Variants in MRGPRX2 observed in about 807,000 individuals in gnomAD.
The protein encoded by MRGPRX2 is mas-related G protein-coupled receptor member X2.
For missense variants in MRGPRX2, 389 were observed against 404.5 expected (o/e 0.96, Z 0.33); for synonymous variants, 183 against 175.6 (o/e 1.04, Z -0.33).
In MRGPRX2 at chr11:19,055,290, A is replaced by G; in HGVS notation, c.*120T>C. On this transcript the variant is annotated 3_prime_UTR_variant, in exon 2 of 2. Coordinates refer to ENST00000329773, the MANE Select transcript of MRGPRX2 (RefSeq NM_054030.4). Reference sequence around the variant, plus strand: ...ATAGGCACTGTCTCACTTAATCCTCACAAGGACTCTCTTAACTGTTTTAAA... The same window carrying G: ...ATAGGCACTGTCTCACTTAATCCTCGCAAGGACTCTCTTAACTGTTTTAAA... 1 of 1,057,820 alleles carries G rather than the reference A, an allele frequency of 9.5e-7. No individual in the cohort carries two copies. Among genetic ancestry groups the G allele is most frequent in the Middle Eastern group, 2.2e-4 (1 of 4,576 alleles). The allele number at this position is 1,057,820 out of a possible 1,614,324, so 65.5% of individuals were successfully genotyped here. A position where few individuals can be genotyped will look rare whatever the true frequency, so the allele number is the denominator to read the frequency against.
At chr11:19,059,412 G>A (rs1244671735) in intron 1 of MRGPRX2, among the ~76,000 whole-genome samples, 3 of 152,118 alleles carry the variant, frequency 2.0e-5, no homozygotes, top group Non-Finnish European at 4.4e-5. Flanking sequence ...CATTCTTTTT[G>A]ATTATCACTA....
intron 1 of MRGPRX2, among the ~76,000 whole-genome samples, chr11:19,059,393 T>C (rs1432734990): frequency 6.6e-6 from 1 of 152,198 alleles, no homozygotes; most frequent in African/African-American, 2.4e-5. Flanking sequence ...TCAGCCCAAG[T>C]CTAGTAAACA....
At chr11:19,057,918 A>C (rs996883650) in intron 1 of MRGPRX2, among the ~76,000 whole-genome samples, 3 of 152,228 alleles carry the variant, frequency 2.0e-5, no homozygotes, top group African/African-American at 7.2e-5. Context: ...TCTGTGTCAG[A>C]GGGCTTGTTC....
intron 1 of MRGPRX2, among the ~76,000 whole-genome samples, chr11:19,059,143 G>A (rs1178755528): frequency 6.6e-6 from 1 of 152,142 alleles, no homozygotes; most frequent in Admixed American, 6.6e-5. Context: ...ATCAGAAAAA[G>A]GCCCATTTCT....
rs201832548 is a variant in MRGPRX2 at position 19,056,061 on chromosome 11, A to G, written c.342T>C (p.Leu114=). 6 of 1,614,104 alleles carry G rather than the reference A, an allele frequency of 3.7e-6. No homozygotes were observed. Among genetic ancestry groups the G allele is most frequent in the Middle Eastern group, 3.3e-4 (2 of 6,084 alleles). The change falls in exon 2 of 2, where the codon CTT becomes CTC. Residue 114 remains leucine (L), a synonymous_variant. Coordinates refer to ENST00000329773, the MANE Select transcript of MRGPRX2 (RefSeq NM_054030.4). ...CGGTGCTCAGCATGCTCAGGCCTGC[A>G]AGGTAGGCACAGGTCATCACAGTGG... ...FFTTVMTCAY[L]AGLSMLSTVS...
chr11:19,058,301 C>T (rs1411158232), intron 1 of MRGPRX2, among the ~76,000 whole-genome samples: 1 of 152,192 alleles, frequency 6.6e-6, no homozygotes, highest in Non-Finnish European at 1.5e-5. Flanking sequence ...CCATCACATG[C>T]TGTCTTAGTT....
At chr11:19,057,033 G>A (rs1849626647) in intron 1 of MRGPRX2, among the ~76,000 whole-genome samples, 1 of 152,148 alleles carries the variant, frequency 6.6e-6, no homozygotes, top group Admixed American at 6.5e-5. Flanking sequence ...CCATTTCTGT[G>A]TCCTCAGTGC....
chr11:19,060,126 A>C (rs1431190797), intron 1 of MRGPRX2, among the ~76,000 whole-genome samples: 2 of 152,088 alleles, frequency 1.3e-5, no homozygotes, highest in Non-Finnish European at 2.9e-5. Context: ...CTCCACTATC[A>C]CTTGCCTTTG....
Position 19,055,448 on chromosome 11 carries a change from G to C in MRGPRX2, c.955C>G (p.Gln319Glu), listed in dbSNP as rs1564999034. ...EVDHSEGCFR[Q>E]GTPEMSRSSL... ...CTTCTCGACATCTCCGGGGTGCCCT[G>C]ACGGAAGCATCCTTCACTGTGATCC... Residue 319 changes from glutamine to glutamate, a missense_variant, in exon 2 of 2, where the codon CAG (glutamine) becomes GAG (glutamate). Coordinates refer to ENST00000329773, the MANE Select transcript of MRGPRX2 (RefSeq NM_054030.4). The C allele has an allele frequency of 1.2e-6, 2 of 1,610,810 alleles. No individual in the cohort carries two copies. The highest frequency in any genetic ancestry group is 1.7e-6 in the Non-Finnish European group (2 of 1,177,138).
rs1849597497 is a variant in MRGPRX2, at chr11:19,054,850, G to A, written c.*560C>T. 1 of 152,194 alleles carries A rather than the reference G, an allele frequency of 6.6e-6. No homozygotes were observed. The highest frequency in any genetic ancestry group is 1.9e-4 in the East Asian group (1 of 5,200). The allele number at this position is 152,194 out of a possible 1,614,324, so 9.4% of individuals were successfully genotyped here. ...CAATAAATTTAGTGACTCAAATCTG[G>A]TAAATGGAGACTTTTCAGAGGTTTA... On this transcript the variant is annotated 3_prime_UTR_variant, in exon 2 of 2. Coordinates refer to ENST00000329773, the MANE Select transcript of MRGPRX2 (RefSeq NM_054030.4).
At position 19,060,451 on chromosome 11, in the gene MRGPRX2, C is replaced by A. The variant is rs570812571; in HGVS notation, c.-26+168G>T. ...ATTGGTAGATAGAAGAGAAGTGGGA[C>A]GAACCTGCTTGACCCCATTCGGATC... On this transcript the variant is annotated intron_variant, in intron 1 of 1. Coordinates refer to ENST00000329773, the MANE Select transcript of MRGPRX2 (RefSeq NM_054030.4). 4.6e-5 allele frequency among the ~76,000 whole-genome samples: 7 copies of A among 152,134 alleles called. 1 individual carries two copies. The highest frequency in any genetic ancestry group is 7.2e-5 in the African/African-American group (3 of 41,424).
At chr11:19,058,511 C>T (rs1849638821) in intron 1 of MRGPRX2, among the ~76,000 whole-genome samples, 1 of 151,742 alleles carries the variant, frequency 6.6e-6, no homozygotes, top group South Asian at 2.1e-4. Context: ...AGCTCCGCCT[C>T]CTGGGCTCAC....
In MRGPRX2 at chr11:19,055,185, G is replaced by T; in HGVS notation, c.*225C>A. On this transcript the variant is annotated 3_prime_UTR_variant, in exon 2 of 2. Transcript: ENST00000329773. ...AGTGGGAACAGTCATGGACCGCAGA[G>T]TTGGCAAAGCTCTCATAGGGCTGTG... 1 of 512,104 alleles carries T rather than the reference G, an allele frequency of 2.0e-6. No homozygotes were observed. Among genetic ancestry groups the T allele is most frequent in the Non-Finnish European group, 3.5e-6 (1 of 289,788 alleles). 31.7% of individuals were successfully genotyped at this position (512,104 alleles called of 1,614,324 possible).
rs75171150 is a variant in MRGPRX2, at chr11:19,058,862, G to A, written c.-26+1757C>T. 9.0e-3 allele frequency among the ~76,000 whole-genome samples: 1,365 copies of A among 152,164 alleles called. 89 individuals carry two copies. In the East Asian group the frequency reaches 0.19, roughly 21 times the overall value. ...CCTTGGAGGCCATCTATTGTAATACGCTCATTTAACAAAGAAAGACAGGCT... is the reference window on the plus strand; with the variant it reads ...CCTTGGAGGCCATCTATTGTAATACACTCATTTAACAAAGAAAGACAGGCT... On this transcript the variant is annotated intron_variant, in intron 1 of 1. Transcript: ENST00000329773.
In MRGPRX2 at chr11:19,055,849, A is replaced by C; in HGVS notation, c.554T>G (p.Phe185Cys). Residue 185 changes from phenylalanine (F) to cysteine (C), a missense_variant, in exon 2 of 2, where the codon TTC becomes TGC. Phe to Cys is a radical substitution (Grantham distance 205). Coordinates refer to ENST00000329773, the MANE Select transcript of MRGPRX2 (RefSeq NM_054030.4). ...GDSGWCQTFD[F>C]ITAAWLIFLF... ...AAAAATCAGCCACGCTGCAGTGATGAAATCAAATGTCTGACACCAACCAGA... is the reference window on the plus strand; with the variant it reads ...AAAAATCAGCCACGCTGCAGTGATGCAATCAAATGTCTGACACCAACCAGA... 3.7e-6 allele frequency: 6 copies of C among 1,614,150 alleles called. No individual in the cohort carries two copies. The highest frequency in any genetic ancestry group is 5.1e-6 in the Non-Finnish European group (6 of 1,180,036).
chr11:19,055,458 T>C lies in MRGPRX2; in HGVS notation c.945A>G (p.Gly315=), dbSNP rs1849604281. 1 of 1,612,618 alleles carries C rather than the reference T, an allele frequency of 6.2e-7. No homozygotes were observed. The highest frequency in any genetic ancestry group is 1.1e-5 in the South Asian group (1 of 91,064). ...QDIAEVDHSE[G]CFRQGTPEMS... is the part of the protein sequence containing the mutation. Reference sequence around the variant, plus strand: ...TCTCCGGGGTGCCCTGACGGAAGCATCCTTCACTGTGATCCACCTCAGCAA... The same window carrying C: ...TCTCCGGGGTGCCCTGACGGAAGCACCCTTCACTGTGATCCACCTCAGCAA... Residue 315 remains glycine (G), a synonymous_variant, in exon 2 of 2, where the codon GGA becomes GGG. Coordinates refer to ENST00000329773, the MANE Select transcript of MRGPRX2 (RefSeq NM_054030.4).
In MRGPRX2 at chr11:19,055,634, A is replaced by G; in HGVS notation, c.769T>C (p.Phe257Leu). 1 of 1,614,204 alleles carries G rather than the reference A, an allele frequency of 6.2e-7. No individual in the cohort carries two copies. The highest frequency in any genetic ancestry group is 8.5e-7 in the Non-Finnish European group (1 of 1,180,042). Reference protein sequence around the residue: ...LWIWKDSDVLFCHIHPVSVVL... With the variant: ...LWIWKDSDVLLCHIHPVSVVL... ...ACTGAAACTGGATGAATATGACAAA[A>G]TAAGACATCAGAATCCTTCCAGATC... The change falls in exon 2 of 2, where the codon TTT (phenylalanine) becomes CTT (leucine). Residue 257 changes from phenylalanine to leucine, a missense_variant. Phe to Leu is a conservative substitution (Grantham distance 22). Coordinates refer to ENST00000329773, the MANE Select transcript of MRGPRX2 (RefSeq NM_054030.4).
chr11:19,057,750 C>G (rs972017295), intron 1 of MRGPRX2, among the ~76,000 whole-genome samples: 1 of 152,198 alleles, frequency 6.6e-6, no homozygotes, highest in Non-Finnish European at 1.5e-5. Flanking sequence ...GCTGAATGCT[C>G]TTCAGGTATA....
chr11:19,059,384 C>T (rs923922245), intron 1 of MRGPRX2, among the ~76,000 whole-genome samples: 2 of 152,148 alleles, frequency 1.3e-5, no homozygotes, highest in Non-Finnish European at 2.9e-5. Flanking sequence ...TTAGAGTTAT[C>T]AGCCCAAGTC....
Sources: gnomAD v4.1 joint callset for allele counts (sites outside exome capture counted in the v4.1 genomes callset) on GRCh38, gnomAD v4.1.1 for gene constraint, MANE v1.5 for transcripts, NCBI Gene and HGNC (gene_info 2026-07-23, HGNC 2026-07-21) for gene names.